Variants in PARD6G observed in about 807,000 individuals in gnomAD.
The protein encoded by PARD6G is par-6 family cell polarity regulator gamma.
A neutral mutation model predicts 10.7 loss-of-function variants in PARD6G; 7 were observed. The observed-to-expected ratio is 0.66, with a 90% CI of 0.37 to 1.23. The LOEUF is 1.23. PARD6G is among the 50% of genes most tolerant of loss of function. The pLI, the probability that PARD6G is intolerant of heterozygous loss-of-function variation, is 0.02. For missense variants in PARD6G, 548 were observed against 571.8 expected (o/e 0.96, Z 0.42); for synonymous variants, 287 against 269.4 (o/e 1.07, Z -0.64).
intron 2 of PARD6G, among the ~76,000 whole-genome samples, chr18:80,186,501 C>T (rs1310850921): frequency 1.3e-5 from 2 of 151,580 alleles, no homozygotes; most frequent in African/African-American, 4.9e-5. Flanking sequence ...CTCACACATG[C>T]TCGCACACCC....
Position 80,160,537 on chromosome 18 carries a change from C to A in PARD6G, c.365G>T (p.Arg122Leu). ...CRRRRALGAL[R>L]DEGPRRRAHL... is the part of the protein sequence containing the mutation. ...TGCACGCCGCCGGGGTCCTTCATCA[C>A]GCAGCGCGCCCAGCGCCCGCCTCCG... The change falls in exon 3 of 3, where the codon CGT (arginine) becomes CTT (leucine). Residue 122 changes from arginine to leucine, a missense_variant. Coordinates refer to ENST00000353265, the MANE Select transcript of PARD6G (RefSeq NM_032510.4). 1 of 1,502,900 alleles carries A rather than the reference C, an allele frequency of 6.7e-7. No individual in the cohort carries two copies. The highest frequency in any genetic ancestry group is 8.9e-7 in the Non-Finnish European group (1 of 1,127,918). The allele number at this position is 1,502,900 out of a possible 1,614,324, so 93.1% of individuals were successfully genotyped here.
chr18:80,177,592 G>C (rs1364088500), intron 2 of PARD6G, among the ~76,000 whole-genome samples: 2 of 144,960 alleles, frequency 1.4e-5, no homozygotes. Flanking sequence ...ACACACACAT[G>C]CATACACACA....
At position 80,161,280 on chromosome 18, in the gene PARD6G, C is replaced by T. The variant is rs1230448405; in HGVS notation, c.296-674G>A. Among the ~76,000 whole-genome samples the T allele has an allele frequency of 1.3e-5, 2 of 152,070 alleles. No homozygotes were observed. The highest frequency in any genetic ancestry group is 2.9e-5 in the Non-Finnish European group (2 of 68,008). On this transcript the variant is annotated intron_variant, in intron 2 of 2. Transcript: ENST00000353265. This position sits in a 1 kb window ranked among gnomAD's most constrained non-coding sequence, Gnocchi z 4.6. ...AGTGCTATTTGTAGGCACATGGAGC[C>T]TCAAGGCTCACCAATATGCCCAGCC... is the stretch of plus-strand genomic sequence containing the variant.
At position 80,159,999 on chromosome 18, in the gene PARD6G, G is replaced by C; in HGVS notation, c.903C>G (p.Val301=). The change falls in exon 3 of 3, where the codon GTC becomes GTG. Residue 301 remains valine (V), a synonymous_variant. Coordinates refer to ENST00000353265, the MANE Select transcript of PARD6G (RefSeq NM_032510.4). ...CAGGCTCCAGTGTGCCCTCGATGAC[G>C]ACGTCGTTGTCCTCATCGCTCTCCG... is the stretch of plus-strand genomic sequence containing the variant. ...DEAESDEDND[V]VIEGTLEPAR... The C allele has an allele frequency of 6.6e-7, 1 of 1,514,036 alleles. No individual in the cohort carries two copies. Among genetic ancestry groups the C allele is most frequent in the Non-Finnish European group, 8.8e-7 (1 of 1,138,860 alleles). The allele number at this position is 1,514,036 out of a possible 1,614,324, so 93.8% of individuals were successfully genotyped here. A position where few individuals can be genotyped will look rare whatever the true frequency, so the allele number is the denominator to read the frequency against.
chr18:80,216,934 T>C (rs1967173746), intron 1 of PARD6G, among the ~76,000 whole-genome samples: 1 of 152,142 alleles, frequency 6.6e-6, no homozygotes, highest in Non-Finnish European at 1.5e-5. Flanking sequence ...GACATTGCTA[T>C]GGGCCTTAAG....
intron 1 of PARD6G, among the ~76,000 whole-genome samples, chr18:80,229,930 C>G (rs2145300869): frequency 6.6e-6 from 1 of 152,312 alleles, no homozygotes; most frequent in South Asian, 2.1e-4. Context: ...CGTGTTGACA[C>G]AGGGAGTTGG....
intron 2 of PARD6G, among the ~76,000 whole-genome samples, chr18:80,177,537 C>T (rs144709764): frequency 2.3e-4 from 33 of 146,016 alleles, no homozygotes; most frequent in Non-Finnish European, 1.2e-4. Flanking sequence ...CACATGCACG[C>T]GGGCACACAC....
chr18:80,183,046 C>T lies in PARD6G; in HGVS notation c.295+19664G>A, dbSNP rs1172382893. 1.3e-5 allele frequency: 9 copies of T among 700,056 alleles called. No individual in the cohort carries two copies. The highest frequency in any genetic ancestry group is 2.1e-5 in the Non-Finnish European group (8 of 383,682). 43.4% of individuals were successfully genotyped at this position (700,056 alleles called of 1,614,324 possible). The stretch of plus-strand genomic sequence containing the variant: ...ATGAGGGGCCAGCTGCGTGGGCCAT[C>T]CATTCTCTACCATGGCATGCCGACA... On this transcript the variant is annotated intron_variant, in intron 2 of 2. Coordinates refer to ENST00000353265, the MANE Select transcript of PARD6G (RefSeq NM_032510.4). The surrounding 1 kb of genome is among the most constrained non-coding windows in gnomAD (Gnocchi z 4.5).
rs1193942786 is a variant in PARD6G, at chr18:80,200,760, A to T, written c.295+1950T>A. ...CAGCCAGCAAGCTGGAAAGAGGCAG[A>T]GTGTCCGAGCTGCTGCTGGAGGTTA... On this transcript the variant is annotated intron_variant, in intron 2 of 2. Coordinates refer to ENST00000353265, the MANE Select transcript of PARD6G (RefSeq NM_032510.4). The surrounding 1 kb of genome is among the most constrained non-coding windows in gnomAD (Gnocchi z 4.4). 2.0e-5 allele frequency among the ~76,000 whole-genome samples: 3 copies of T among 152,148 alleles called. No homozygotes were observed. The East Asian group carries it at 5.8e-4, about 29-fold the overall frequency.
intron 1 of PARD6G, among the ~76,000 whole-genome samples, chr18:80,212,905 T>G (rs1034464604): frequency 6.6e-6 from 1 of 151,904 alleles, no homozygotes; most frequent in Non-Finnish European, 1.5e-5. Flanking sequence ...AATTATCTTG[T>G]TTTTATCAAT....
rs1448532495 is a variant in PARD6G, at chr18:80,246,700, G to A, written c.72+577C>T. On this transcript the variant is annotated intron_variant, in intron 1 of 2. Transcript: ENST00000353265. This position sits in a 1 kb window ranked among gnomAD's most constrained non-coding sequence, Gnocchi z 6.7. The stretch of plus-strand genomic sequence containing the variant: ...CGTGGTCTGGGTCTGGGCCGGGGGA[G>A]AGCCGGGTGCGTGCTCTGGGTCTGC... Among the ~76,000 whole-genome samples the A allele has an allele frequency of 6.6e-6, 1 of 152,018 alleles. No homozygotes were observed. The highest frequency in any genetic ancestry group is 2.1e-4 in the South Asian group (1 of 4,816).
chr18:80,234,761 A>C (rs2145304053), intron 1 of PARD6G, among the ~76,000 whole-genome samples: 1 of 152,286 alleles, frequency 6.6e-6, no homozygotes, highest in Non-Finnish European at 1.5e-5. Flanking sequence ...ATGACAAAGA[A>C]GGCCATTACA....
Position 80,225,110 on chromosome 18 carries a change from C to G in PARD6G, c.72+22167G>C, listed in dbSNP as rs148667405. On this transcript the variant is annotated intron_variant, in intron 1 of 2. Coordinates refer to ENST00000353265, the MANE Select transcript of PARD6G (RefSeq NM_032510.4). ...CGCTTTTGCTGATCAAAGTGCAGCT[C>G]TGGCTCAGAACCATCCCCAAGGAAC... is the stretch of plus-strand genomic sequence containing the variant. Among the ~76,000 whole-genome samples, 161 of 152,320 alleles carry G rather than the reference C, an allele frequency of 1.1e-3. 5 individuals are homozygous for G. The highest frequency in any genetic ancestry group is 9.9e-3 in the Admixed American group (152 of 15,308).
In PARD6G at chr18:80,183,103, C is replaced by G. The variant is rs1486430670; in HGVS notation, c.295+19607G>C. ...GCACAGAGAAGTCCCCCTTTCAAAC[C>G]AAGATTTGAGCTGAAGAGTCAGGTT... On this transcript the variant is annotated intron_variant, in intron 2 of 2. Transcript: ENST00000353265. This position sits in a 1 kb window ranked among gnomAD's most constrained non-coding sequence, Gnocchi z 4.5. The G allele has an allele frequency of 5.7e-6, 4 of 702,792 alleles. No individual in the cohort carries two copies. In the African/African-American group the frequency reaches 7.0e-5, roughly 12 times the overall value. The allele number at this position is 702,792 out of a possible 1,614,324, so 43.5% of individuals were successfully genotyped here.
intron 2 of PARD6G, among the ~76,000 whole-genome samples, chr18:80,197,228 A>T (rs1966966238): frequency 1.3e-5 from 2 of 152,078 alleles, no homozygotes; most frequent in South Asian, 4.1e-4. Context: ...AACCAAACAT[A>T]CCTCTAGCTA....
At chr18:80,194,059 G>A (rs1395160693) in intron 2 of PARD6G, among the ~76,000 whole-genome samples, 2 of 152,122 alleles carry the variant, frequency 1.3e-5, no homozygotes, top group Admixed American at 6.5e-5. Context: ...TCTTGCTTAC[G>A]TTTCTGGAAA....
At chr18:80,171,027 T>A (rs1383411689) in intron 2 of PARD6G, 1 of 152,194 alleles carries the variant, frequency 6.6e-6, no homozygotes, top group East Asian at 1.9e-4. Flanking sequence ...ACACCTCATG[T>A]TGGTCCTGGT....
rs555403236 is a variant in PARD6G, at chr18:80,183,225, C to G, written c.295+19485G>C. On this transcript the variant is annotated intron_variant, in intron 2 of 2. Transcript: ENST00000353265. This position sits in a 1 kb window ranked among gnomAD's most constrained non-coding sequence, Gnocchi z 4.5. ...GGGAGAGAGAAAGCCAGAGAGACTT[C>G]TGCAAAACAAGCTGCAGATAGGCAT... 24 of 701,866 alleles carry G rather than the reference C, an allele frequency of 3.4e-5. No homozygotes were observed. The highest frequency in any genetic ancestry group is 6.0e-5 in the Non-Finnish European group (23 of 384,372). 43.5% of individuals were successfully genotyped at this position (701,866 alleles called of 1,614,324 possible). A position where few individuals can be genotyped will look rare whatever the true frequency, so the allele number is the denominator to read the frequency against.
chr18:80,183,445 G>C lies in PARD6G; in HGVS notation c.295+19265C>G, dbSNP rs1026977544. On this transcript the variant is annotated intron_variant, in intron 2 of 2. Coordinates refer to ENST00000353265, the MANE Select transcript of PARD6G (RefSeq NM_032510.4). This position sits in a 1 kb window ranked among gnomAD's most constrained non-coding sequence, Gnocchi z 4.5. ...GGCAGCACCAGTCAGAATGGGTGGA[G>C]CAGGCCCCAGAGCTTCTAATGGTCC... Among the ~76,000 whole-genome samples, 1 of 152,184 alleles carries C rather than the reference G, an allele frequency of 6.6e-6. No homozygotes were observed. Among genetic ancestry groups the C allele is most frequent in the Non-Finnish European group, 1.5e-5 (1 of 68,036 alleles).
Sources: allele counts gnomAD v4.1 joint callset (sites outside exome capture counted in the v4.1 genomes callset), GRCh38; gene constraint gnomAD v4.1.1; non-coding constraint Gnocchi (gnomAD v3.1); transcripts MANE v1.5; gene names NCBI Gene and HGNC (gene_info 2026-07-23, HGNC 2026-07-21).